PGBD2: variants seen among roughly 807,000 people sequenced by gnomAD.
The protein encoded by PGBD2 is piggyBac transposable element derived 2.
A neutral mutation model predicts 8.1 loss-of-function variants in PGBD2; 6 were observed. The ratio of observed to expected loss-of-function variants is 0.74; its 90% CI spans 0.40 to 1.46. The LOEUF is 1.46. Ranked by LOEUF, PGBD2 falls within the 40% of genes most tolerant of loss-of-function variation. PGBD2 has a pLI of 0.02. For synonymous variants in PGBD2, 318 were observed against 272.2 expected (o/e 1.17, Z -1.66); for missense variants, 802 against 739.0 (o/e 1.09, Z -0.99).
intron 1 of PGBD2, among the ~76,000 whole-genome samples, chr1:248,911,530 C>CA (rs200368369): frequency 0.031 from 4,525 of 145,764 alleles, 516 homozygotes; most frequent in African/African-American, 0.12. Flanking sequence ...TCTACACAGA[C>CA]ACGGCAACCA....
upstream of PGBD2, among the ~76,000 whole-genome samples, chr1:248,904,290 T>C (rs541720574): frequency 1.3e-5 from 2 of 152,246 alleles, no homozygotes; most frequent in South Asian, 2.1e-4. Flanking sequence ...TTTTTTTTTT[T>C]TCCCAATTCC....
chr1:248,909,111 A>G (rs1661770843), intron 1 of PGBD2, among the ~76,000 whole-genome samples: 1 of 152,170 alleles, frequency 6.6e-6, no homozygotes, highest in South Asian at 2.1e-4. Flanking sequence ...CTATCTAGAC[A>G]TTATTCCCTT....
the PGBD2 span, among the ~76,000 whole-genome samples, chr1:248,883,889 G>A: frequency 1.3e-5 from 2 of 152,066 alleles, no homozygotes; most frequent in African/African-American, 2.4e-5. Context: ...GAGCCACCGT[G>A]CCCGACCCTA....
At chr1:248,895,954 G>A in the PGBD2 span, among the ~76,000 whole-genome samples, 1 of 151,808 alleles carries the variant, frequency 6.6e-6, no homozygotes, top group Non-Finnish European at 1.5e-5. Flanking sequence ...CCAAAGTGCT[G>A]GGATTACAGG....
upstream of PGBD2, among the ~76,000 whole-genome samples, chr1:248,901,513 G>T (rs1014491966): frequency 1.3e-5 from 2 of 152,162 alleles, no homozygotes; most frequent in African/African-American, 4.8e-5. Context: ...TTTAACAAAT[G>T]GTACTGGGAA....
chr1:248,898,778 T>C, the PGBD2 span, among the ~76,000 whole-genome samples: 1 of 152,152 alleles, frequency 6.6e-6, no homozygotes, highest in East Asian at 1.9e-4. Flanking sequence ...TAAATGTAAA[T>C]GGGCTAAATG....
the PGBD2 span, among the ~76,000 whole-genome samples, chr1:248,890,538 G>A: frequency 6.6e-6 from 1 of 151,982 alleles, no homozygotes; most frequent in African/African-American, 2.4e-5. Context: ...CAGTCTAAGG[G>A]CTACAGAAGT....
At chr1:248,898,429 C>T in the PGBD2 span, among the ~76,000 whole-genome samples, 1 of 152,324 alleles carries the variant, frequency 6.6e-6, no homozygotes, top group Middle Eastern at 3.4e-3. Flanking sequence ...GCTGGGATTA[C>T]AGGCGTGAGC....
chr1:248,924,896 G>A (rs751161891), downstream of PGBD2, among the ~76,000 whole-genome samples: 1 of 152,154 alleles, frequency 6.6e-6, no homozygotes, highest in Non-Finnish European at 1.5e-5. Flanking sequence ...ATAAATGGGT[G>A]TCTCTGCCCT....
intron 2 of PGBD2, among the ~76,000 whole-genome samples, chr1:248,915,026 C>T (rs1012898976): frequency 2.6e-5 from 4 of 152,248 alleles, no homozygotes; most frequent in African/African-American, 9.6e-5. Context: ...TCCTTCAGGT[C>T]TCCCACTCTG....
chr1:248,886,280 C>G, the PGBD2 span, among the ~76,000 whole-genome samples: 2 of 152,064 alleles, frequency 1.3e-5, no homozygotes, highest in Admixed American at 6.6e-5. Flanking sequence ...CAGCCTGATA[C>G]TTGAGTGTAC....
At chr1:248,900,359 G>A in the PGBD2 span, among the ~76,000 whole-genome samples, 5 of 152,130 alleles carry the variant, frequency 3.3e-5, no homozygotes, top group African/African-American at 9.7e-5. Flanking sequence ...ATACTGGCAA[G>A]CTGAATCCAG....
the PGBD2 span, among the ~76,000 whole-genome samples, chr1:248,873,978 T>C: frequency 6.6e-6 from 1 of 152,196 alleles, no homozygotes; most frequent in African/African-American, 2.4e-5. Context: ...TTTATTAGCA[T>C]TTTATTCCCC....
chr1:248,905,870 A>C (rs1226670566), upstream of PGBD2, among the ~76,000 whole-genome samples: 9 of 152,148 alleles, frequency 5.9e-5, no homozygotes, highest in African/African-American at 1.7e-4. Flanking sequence ...AGAGTTTCTT[A>C]CTCAGAAGGC....
rs751020757 is a variant in PGBD2, at chr1:248,917,762, T to G, written c.1178T>G (p.Met393Arg). The change falls in exon 3 of 3, where the codon ATG (methionine) becomes AGG (arginine). Residue 393 changes from methionine to arginine, a missense_variant. Met to Arg is a moderately conservative substitution (Grantham distance 91). Coordinates refer to ENST00000329291, the MANE Select transcript of PGBD2 (RefSeq NM_170725.3). The part of the protein sequence containing the change: ...PLKDPKELKK[M>R]KRGSFDYKVD... ...AAAGACCCCAAAGAACTGAAAAAAA[T>G]GAAGAGGGGTTCATTTGATTACAAA... The G allele has an allele frequency of 1.9e-6, 3 of 1,613,786 alleles. No individual in the cohort carries two copies. The highest frequency in any genetic ancestry group is 1.3e-5 in the African/African-American group (1 of 74,790).
the PGBD2 span, among the ~76,000 whole-genome samples, chr1:248,929,892 G>A: frequency 1.3e-5 from 2 of 152,146 alleles, no homozygotes; most frequent in African/African-American, 4.8e-5. Flanking sequence ...CAAGGACTCT[G>A]TCCATTCTAG....
chr1:248,874,304 A>G, the PGBD2 span, among the ~76,000 whole-genome samples: 2 of 152,250 alleles, frequency 1.3e-5, no homozygotes, highest in East Asian at 1.9e-4. Flanking sequence ...CCCGGGTTCG[A>G]TTCCCGGTCA....
At chr1:248,875,164 C>T in the PGBD2 span, among the ~76,000 whole-genome samples, 1 of 151,900 alleles carries the variant, frequency 6.6e-6, no homozygotes, top group Admixed American at 6.6e-5. Context: ...AGCGTGGTGG[C>T]AGGTGCCTGT....
Position 248,917,820 on chromosome 1 carries a change from C to A in PGBD2, c.1236C>A (p.Arg412=). 5 of 1,614,204 alleles carry A rather than the reference C, an allele frequency of 3.1e-6. No individual in the cohort carries two copies. Among genetic ancestry groups the A allele is most frequent in the South Asian group, 1.1e-5 (1 of 91,084 alleles). Reference sequence around the variant, plus strand: ...AGAGTGAGGAGATCATCGTGTGCCGCTGGCACGATAGCAGCGTGGTCAACA... The same window carrying A: ...AGAGTGAGGAGATCATCGTGTGCCGATGGCACGATAGCAGCGTGGTCAACA... The part of the protein sequence containing the change: ...VDESEEIIVC[R]WHDSSVVNIC... The change falls in exon 3 of 3, where the codon CGC becomes CGA. Residue 412 remains arginine, a synonymous_variant. Coordinates refer to ENST00000329291, the MANE Select transcript of PGBD2 (RefSeq NM_170725.3).
Sources: gnomAD v4.1 joint callset for allele counts (sites outside exome capture counted in the v4.1 genomes callset) on GRCh38, gnomAD v4.1.1 for gene constraint, MANE v1.5 for transcripts, NCBI Gene and HGNC (gene_info 2026-07-23, HGNC 2026-07-21) for gene names.